SOX5: variants seen among roughly 807,000 people sequenced by gnomAD.
SOX5 encodes transcription factor SOX-5.
A neutral mutation model predicts 92.0 loss-of-function variants in SOX5; 9 were observed. That is an observed-to-expected ratio of 0.10 (90% CI 0.06 to 0.17). The LOEUF (loss-of-function observed/expected upper bound fraction) is 0.17, where lower values mean the gene tolerates loss of function less well. Ranked by LOEUF, SOX5 falls within the 10% of genes least tolerant of loss-of-function variation. The pLI is 1.00. For missense variants in SOX5, 642 were observed against 944.5 expected, an observed-to-expected ratio of 0.68 and a Z score of 4.20; for synonymous variants, 344 against 336.3, an observed-to-expected ratio of 1.02 and a Z score of -0.25.
intron 3 of SOX5, among the ~76,000 whole-genome samples, chr12:23,835,708 T>C (rs2096403619): frequency 6.6e-6 from 1 of 151,852 alleles, no homozygotes; most frequent in Non-Finnish European, 1.5e-5. Flanking sequence ...ATTTAAAGTT[T>C]AGATACACAT....
Position 23,533,933 on chromosome 12 carries a change from T to G in SOX5, c.*286A>C. 1 of 264,576 alleles carries G rather than the reference T, an allele frequency of 3.8e-6. No homozygotes were observed. The highest frequency in any genetic ancestry group is 7.2e-6 in the Non-Finnish European group (1 of 139,196). The allele number at this position is 264,576 out of a possible 1,614,324, so 16.4% of individuals were successfully genotyped here. On this transcript the variant is annotated 3_prime_UTR_variant, in exon 15 of 15. Transcript: ENST00000451604. ...TTAAAAAAAAAAAAAAGTTGACGGG[T>G]AAGACTTCAGTGCTTGGATGTAGCA... is the stretch of plus-strand genomic sequence containing the variant.
chr12:23,560,419 T>C (rs1946005800), intron 11 of SOX5, among the ~76,000 whole-genome samples: 1 of 152,208 alleles, frequency 6.6e-6, no homozygotes, highest in African/African-American at 2.4e-5. Context: ...AAAAGATAAG[T>C]ATTAGAAAAA....
intron 4 of SOX5, among the ~76,000 whole-genome samples, chr12:24,115,407 C>T (rs969507824): frequency 2.6e-5 from 4 of 152,204 alleles, no homozygotes; most frequent in East Asian, 1.9e-4. Context: ...ATAAAATCTC[C>T]GAAATTTTTG....
chr12:24,155,945 A>G (rs2138903426), intron 4 of SOX5, among the ~76,000 whole-genome samples: 1 of 152,098 alleles, frequency 6.6e-6, no homozygotes, highest in East Asian at 1.9e-4. Flanking sequence ...AAATGCAAAT[A>G]CTTCTATTTT....
rs561726980 is a variant in SOX5, at chr12:23,530,572, G to T, written c.*3647C>A. 1 of 152,224 alleles carries T rather than the reference G, an allele frequency of 6.6e-6. No individual in the cohort carries two copies. The highest frequency in any genetic ancestry group is 2.1e-4 in the South Asian group (1 of 4,814). 9.4% of individuals were successfully genotyped at this position (152,224 alleles called of 1,614,324 possible). A position where few individuals can be genotyped will look rare whatever the true frequency, so the allele number is the denominator to read the frequency against. ...AGATGCCAAATGAACTTCACAAATG[G>T]ACTTCACTAATTTAGGTATAAATGT... On this transcript the variant is annotated 3_prime_UTR_variant, in exon 15 of 15. Transcript: ENST00000451604.
intron 2 of SOX5, among the ~76,000 whole-genome samples, chr12:23,884,990 T>C (rs1336826496): frequency 2.0e-5 from 3 of 152,206 alleles, no homozygotes; most frequent in Non-Finnish European, 2.9e-5. Flanking sequence ...GCTTTCAACA[T>C]TGCTTTTTAT....
chr12:24,366,757 C>T (rs1432225422), intron 2 of SOX5, among the ~76,000 whole-genome samples: 1 of 151,988 alleles, frequency 6.6e-6, no homozygotes, highest in Non-Finnish European at 1.5e-5. Context: ...TGCAGTCCCT[C>T]CTACCTGTCT....
intron 4 of SOX5, among the ~76,000 whole-genome samples, chr12:24,029,008 A>G (rs577091018): frequency 3.5e-4 from 53 of 152,038 alleles, no homozygotes; most frequent in African/African-American, 1.2e-3. Context: ...ACATAACCAA[A>G]CCAATTACAT....
chr12:23,963,640 T>G (rs1473776663), intron 4 of SOX5, among the ~76,000 whole-genome samples: 1 of 151,834 alleles, frequency 6.6e-6, no homozygotes, highest in Non-Finnish European at 1.5e-5. Flanking sequence ...CTAGCATACA[T>G]GCATGCAGGC....
chr12:24,016,642 A>C (rs139719890), intron 4 of SOX5, among the ~76,000 whole-genome samples: 2 of 152,202 alleles, frequency 1.3e-5, no homozygotes, highest in Non-Finnish European at 2.9e-5. Context: ...GCAGAAACGC[A>C]AAAAAATGGG....
chr12:23,708,956 A>G (rs1366756464), intron 6 of SOX5, among the ~76,000 whole-genome samples: 1 of 152,188 alleles, frequency 6.6e-6, no homozygotes, highest in African/African-American at 2.4e-5. Context: ...ACATTTAAAC[A>G]TACAAGATCA....
At chr12:23,552,210 T>C (rs1057290242) in intron 11 of SOX5, among the ~76,000 whole-genome samples, 1 of 151,932 alleles carries the variant, frequency 6.6e-6, no homozygotes, top group African/African-American at 2.4e-5. Flanking sequence ...AATATGACTT[T>C]AGCACTTAAT....
At chr12:24,485,908 T>C (rs1946470124) in intron 1 of SOX5, among the ~76,000 whole-genome samples, 1 of 152,170 alleles carries the variant, frequency 6.6e-6, no homozygotes, top group Non-Finnish European at 1.5e-5. Flanking sequence ...AGATGCAACA[T>C]ATATAAAAGA....
chr12:24,176,953 C>G (rs1374621981), intron 4 of SOX5, among the ~76,000 whole-genome samples: 2 of 147,486 alleles, frequency 1.4e-5, no homozygotes, highest in African/African-American at 2.5e-5. Context: ...ATACTATGTT[C>G]AGAGCAGTCA....
intron 8 of SOX5, chr12:23,638,563 TA>T (rs2138655493): frequency 6.6e-6 from 1 of 152,268 alleles, no homozygotes; most frequent in African/African-American, 2.4e-5. Flanking sequence ...GAATTTTAGG[TA>T]AGGCTTATAA....
At chr12:24,086,061 T>A (rs923892631) in intron 4 of SOX5, among the ~76,000 whole-genome samples, 1 of 152,096 alleles carries the variant, frequency 6.6e-6, no homozygotes, top group African/African-American at 2.4e-5. Context: ...AATCAGAAGT[T>A]TTCTTTTGCG....
Position 23,995,585 on chromosome 12 carries a change from C to G in SOX5, c.-1-99561G>C, listed in dbSNP as rs574671300. Among the ~76,000 whole-genome samples, 28 of 152,186 alleles carry G rather than the reference C, an allele frequency of 1.8e-4. No individual in the cohort carries two copies. The South Asian group carries it at 5.8e-3, about 32-fold the overall frequency. ...TGGTGGCACATGTGTGTAGTCCTAG[C>G]TACTTGAAAGGCTAAGGAGGGAGAA... On this transcript the variant is annotated intron_variant, in intron 4 of 4. Coordinates refer to the SOX5 transcript ENST00000446891.
At chr12:23,600,552 T>TATATATATATACAC (rs745640453) in intron 9 of SOX5, among the ~76,000 whole-genome samples, 10 of 95,240 alleles carry the variant, frequency 1.0e-4, no homozygotes, top group Non-Finnish European at 1.4e-4. Flanking sequence ...TATATATATA[T>TATATATATATACAC]ACACATACTT....
intron 9 of SOX5, among the ~76,000 whole-genome samples, chr12:23,579,897 A>C (rs1361621290): frequency 2.0e-5 from 3 of 152,112 alleles, no homozygotes; most frequent in Non-Finnish European, 4.4e-5. Flanking sequence ...TTTCCTGTTA[A>C]TTACTTGCCT....
Sources: gnomAD v4.1 joint callset for allele counts (sites outside exome capture counted in the v4.1 genomes callset) on GRCh38, gnomAD v4.1.1 for gene constraint, MANE v1.5 for transcripts, NCBI Gene and HGNC (gene_info 2026-07-23, HGNC 2026-07-21) for gene names.